PCDH15: variants seen among roughly 807,000 people sequenced by gnomAD.
PCDH15 encodes protocadherin related 15, also known as protocadherin-15.
PCDH15 carries 129 observed loss-of-function variants against 178.5 expected under a neutral mutation model. The ratio of observed to expected loss-of-function variants is 0.72; its 90% CI spans 0.63 to 0.84. The LOEUF is 0.84. Ranked by LOEUF, PCDH15 falls within the 40% of genes least tolerant of loss-of-function variation. The probability of loss-of-function intolerance (pLI) is 0.00; values close to 1 mark genes in which losing one functional copy is unlikely to be tolerated. For synonymous variants in PCDH15, 800 were observed against 732.0 expected, an observed-to-expected ratio of 1.09 and a Z score of -1.50; for missense variants, 2,230 against 2,099.9, an observed-to-expected ratio of 1.06 and a Z score of -1.21.
intron 2 of PCDH15, among the ~76,000 whole-genome samples, chr10:54,991,657 G>A (rs1456231461): frequency 3.3e-5 from 5 of 152,032 alleles, no homozygotes; most frequent in African/African-American, 7.2e-5. Context: ...AAAGACAGCG[G>A]CTATGATAAA....
At chr10:55,010,006 A>T in intron 2 of PCDH15, among the ~76,000 whole-genome samples, 1 of 152,126 alleles carries the variant, frequency 6.6e-6, no homozygotes, top group East Asian at 1.9e-4. Context: ...CTAAGTCTGC[A>T]TTACTAACAA....
At chr10:54,738,401 T>C (rs1944384920) in intron 1 of PCDH15, among the ~76,000 whole-genome samples, 1 of 152,106 alleles carries the variant, frequency 6.6e-6, no homozygotes, top group African/African-American at 2.4e-5. Flanking sequence ...TTTAATTTAG[T>C]ATTTTTATGG....
chr10:54,142,986 T>C (rs571109159), intron 14 of PCDH15, among the ~76,000 whole-genome samples: 1 of 152,278 alleles, frequency 6.6e-6, no homozygotes, highest in South Asian at 2.1e-4. Flanking sequence ...ATATCGAGTG[T>C]CTTAAACCTT....
chr10:54,340,128 C>A (rs138691870), intron 6 of PCDH15, among the ~76,000 whole-genome samples: 2 of 152,172 alleles, frequency 1.3e-5, no homozygotes, highest in African/African-American at 2.4e-5. Flanking sequence ...AAGATATTTA[C>A]TAAATTATTT....
chr10:54,555,509 A>G (rs2087105345), intron 2 of PCDH15, among the ~76,000 whole-genome samples: 1 of 151,836 alleles, frequency 6.6e-6, no homozygotes, highest in Non-Finnish European at 1.5e-5. Context: ...AGGCGGGCAG[A>G]TCACGAGCTC....
chr10:55,069,771 A>C (rs1301728768), intron 2 of PCDH15, among the ~76,000 whole-genome samples: 4 of 147,184 alleles, frequency 2.7e-5, no homozygotes, highest in Non-Finnish European at 3.0e-5. Flanking sequence ...AGCATGATTT[A>C]TAGTCCTTTG....
At chr10:53,995,407 A>T in intron 21 of PCDH15, 1 of 566,390 alleles carries the variant, frequency 1.8e-6, no homozygotes, top group Non-Finnish European at 3.1e-6. Flanking sequence ...TAGATAAATT[A>T]GTAATTAGTA....
At chr10:55,103,111 CTT>C (rs112141976) in intron 2 of PCDH15, among the ~76,000 whole-genome samples, 44 of 125,376 alleles carry the variant, frequency 3.5e-4, no homozygotes, top group Non-Finnish European at 4.4e-4. Flanking sequence ...TCTGATTTTT[CTT>C]TTTTTTTTTT....
intron 8 of PCDH15, among the ~76,000 whole-genome samples, chr10:54,279,417 A>G (rs532016155): frequency 6.6e-6 from 1 of 151,776 alleles, no homozygotes; most frequent in East Asian, 1.9e-4. Flanking sequence ...TATGCTATAT[A>G]CTAATAATTA....
chr10:54,438,061 G>C (rs997860141), intron 3 of PCDH15, among the ~76,000 whole-genome samples: 2 of 151,930 alleles, frequency 1.3e-5, no homozygotes, highest in African/African-American at 4.8e-5. Context: ...TTTTAAAAAG[G>C]TCTAGTTGCA....
At chr10:54,181,845 G>T (rs142253570) in intron 13 of PCDH15, among the ~76,000 whole-genome samples, 87 of 152,096 alleles carry the variant, frequency 5.7e-4, no homozygotes, top group Non-Finnish European at 1.0e-3. Flanking sequence ...CAGTCCCCAG[G>T]CTATCATGTC....
chr10:54,707,292 C>T (rs1178386188), intron 1 of PCDH15, among the ~76,000 whole-genome samples: 5 of 152,120 alleles, frequency 3.3e-5, no homozygotes, highest in African/African-American at 4.8e-5. Flanking sequence ...ATGAGTAGTA[C>T]ATCATGCAAC....
At chr10:55,233,333 T>C (rs943996664) in intron 1 of PCDH15, among the ~76,000 whole-genome samples, 17 of 152,162 alleles carry the variant, frequency 1.1e-4, no homozygotes, top group Non-Finnish European at 4.4e-5. Flanking sequence ...TTTCGGTGTA[T>C]GTTTAACTGC....
intron 3 of PCDH15, among the ~76,000 whole-genome samples, chr10:54,475,588 TA>T (rs935530262): frequency 3.3e-5 from 5 of 151,956 alleles, no homozygotes; most frequent in Non-Finnish European, 5.9e-5. Context: ...ATAATCATAT[TA>T]TATTTTTTTC....
chr10:54,532,761 T>C (rs929069399), intron 2 of PCDH15, among the ~76,000 whole-genome samples: 2 of 142,580 alleles, frequency 1.4e-5, no homozygotes, highest in Non-Finnish European at 3.1e-5. Context: ...ATTATAACAA[T>C]GAAAAAAAAA....
chr10:54,579,004 A>G (rs895397493), intron 2 of PCDH15, among the ~76,000 whole-genome samples: 5 of 152,144 alleles, frequency 3.3e-5, no homozygotes, highest in African/African-American at 1.2e-4. Context: ...GGAGTCCTAA[A>G]CATGGAAAAA....
At chr10:54,845,765 T>C (rs543741703) in intron 3 of PCDH15, among the ~76,000 whole-genome samples, 1 of 152,088 alleles carries the variant, frequency 6.6e-6, no homozygotes, top group East Asian at 1.9e-4. Flanking sequence ...ATGAGAAAAA[T>C]GAGACAGCTC....
chr10:54,790,566 T>C (rs975008952), intron 1 of PCDH15, among the ~76,000 whole-genome samples: 5 of 151,914 alleles, frequency 3.3e-5, no homozygotes, highest in Admixed American at 3.3e-4. Context: ...GAAAGTTGTC[T>C]GGGGTAACAA....
At chr10:54,510,378 G>A (rs1216510216) in intron 3 of PCDH15, among the ~76,000 whole-genome samples, 1 of 152,190 alleles carries the variant, frequency 6.6e-6, no homozygotes, top group East Asian at 1.9e-4. Flanking sequence ...ATCGGTGACA[G>A]GGAGGACTGA....
Sources: allele counts gnomAD v4.1 joint callset (sites outside exome capture counted in the v4.1 genomes callset), GRCh38; gene constraint gnomAD v4.1.1; transcripts MANE v1.5; gene names NCBI Gene and HGNC (gene_info 2026-07-23, HGNC 2026-07-21).